AGPAT4: variants seen among roughly 807,000 people sequenced by gnomAD.
The protein encoded by AGPAT4 is 1-acyl-sn-glycerol-3-phosphate acyltransferase delta.
In AGPAT4, 15 loss-of-function variants were observed where a neutral mutation model predicts 48.0. The observed-to-expected ratio is 0.31, with a 90% CI of 0.21 to 0.48. The LOEUF (loss-of-function observed/expected upper bound fraction) is 0.48. Ranked by LOEUF, AGPAT4 falls within the 20% of genes least tolerant of loss-of-function variation. The pLI is 0.99. For synonymous variants in AGPAT4, 178 were observed against 198.7 expected, an observed-to-expected ratio of 0.90 and a Z score of 0.88; for missense variants, 314 against 482.5, an observed-to-expected ratio of 0.65 and a Z score of 3.27.
At chr6:161,207,637 C>T (rs1288020834) in intron 2 of AGPAT4, among the ~76,000 whole-genome samples, 1 of 152,060 alleles carries the variant, frequency 6.6e-6, no homozygotes, top group East Asian at 1.9e-4. Flanking sequence ...AGAGAGATGA[C>T]AGTAAACCAC....
At chr6:161,172,640 TTTTA>T (rs966836296) in intron 2 of AGPAT4, among the ~76,000 whole-genome samples, 5 of 152,190 alleles carry the variant, frequency 3.3e-5, no homozygotes, top group African/African-American at 7.2e-5. Flanking sequence ...TATTTTTATT[TTTTA>T]TTTATTATTA....
At position 161,215,097 on chromosome 6, in the gene AGPAT4, A is replaced by G. The variant is rs995948985; in HGVS notation, c.178+16939T>C. On this transcript the variant is annotated intron_variant, in intron 2 of 8. Coordinates refer to ENST00000320285, the MANE Select transcript of AGPAT4 (RefSeq NM_020133.3). This position sits in a 1 kb window ranked among gnomAD's most constrained non-coding sequence, Gnocchi z 4.5. ...TTTTAAATACTTATTTAAATACCCC[A>G]TAGAGACTGTCTAGATGCTTCACAT... Among the ~76,000 whole-genome samples the G allele has an allele frequency of 6.6e-5, 10 of 152,186 alleles. No homozygotes were observed. Among genetic ancestry groups the G allele is most frequent in the Admixed American group, 6.5e-4 (10 of 15,276 alleles).
intron 2 of AGPAT4, among the ~76,000 whole-genome samples, chr6:161,194,171 T>C (rs932372309): frequency 1.7e-4 from 26 of 152,224 alleles, no homozygotes; most frequent in African/African-American, 6.0e-4. Context: ...AAATATCTCA[T>C]TAATTTTTAC....
rs923353029 is a variant in AGPAT4 at position 161,164,161 on chromosome 6, C to G, written c.348+2087G>C. On this transcript the variant is annotated intron_variant, in intron 3 of 8. Transcript: ENST00000320285. The surrounding 1 kb of genome is among the most constrained non-coding windows in gnomAD (Gnocchi z 7.4). ...ATTCGGAAGCCTTTGGGAGCAAAAC[C>G]CTAAACGGTGCTGAGATTAAATTCC... Among the ~76,000 whole-genome samples, 16 of 152,320 alleles carry G rather than the reference C, an allele frequency of 1.1e-4. No homozygotes were observed. Among genetic ancestry groups the G allele is most frequent in the African/African-American group, 3.8e-4 (16 of 41,560 alleles).
Position 161,229,744 on chromosome 6 carries a change from A to T in AGPAT4, c.178+2292T>A, listed in dbSNP as rs370952577. Among the ~76,000 whole-genome samples, 1 of 152,024 alleles carries T rather than the reference A, an allele frequency of 6.6e-6. No individual in the cohort carries two copies. Among genetic ancestry groups the T allele is most frequent in the East Asian group, 1.9e-4 (1 of 5,172 alleles). On this transcript the variant is annotated intron_variant, in intron 2 of 8. Coordinates refer to ENST00000320285, the MANE Select transcript of AGPAT4 (RefSeq NM_020133.3). This position sits in a 1 kb window ranked among gnomAD's most constrained non-coding sequence, Gnocchi z 6.0. ...CCAGTAGCCAGGACTCCTCCTCTAG[A>T]GGGAGGAATCTTCCCTTCCCGCTTC...
rs1273629125 is a variant in AGPAT4 at position 161,130,500 on chromosome 6, C to T, written c.*6040G>A. 5 of 166,430 alleles carry T rather than the reference C, an allele frequency of 3.0e-5. No homozygotes were observed. In the East Asian group the frequency reaches 6.2e-4, roughly 21 times the overall value. The allele number at this position is 166,430 out of a possible 1,614,324, so 10.3% of individuals were successfully genotyped here. ...TCAAAGATCATCCCTTAGTGGGTCA[C>T]AGTAATCATGAACCCTGGGTACAAT... On this transcript the variant is annotated 3_prime_UTR_variant, in exon 9 of 9. Transcript: ENST00000320285.
In AGPAT4 at chr6:161,142,168, G is replaced by A. The variant is rs561142533; in HGVS notation, c.844-2548C>T. ...TGCGCCCAGCCCCATTCACTTTAAA[G>A]TTTTCTTTGTCTGTGGTTTAAAACA... On this transcript the variant is annotated intron_variant, in intron 7 of 8. Transcript: ENST00000320285. This position sits in a 1 kb window ranked among gnomAD's most constrained non-coding sequence, Gnocchi z 6.4. Among the ~76,000 whole-genome samples, 1 of 152,294 alleles carries A rather than the reference G, an allele frequency of 6.6e-6. No individual in the cohort carries two copies. Among genetic ancestry groups the A allele is most frequent in the Non-Finnish European group, 1.5e-5 (1 of 68,026 alleles).
At position 161,242,499 on chromosome 6, in the gene AGPAT4, C is replaced by T. The variant is rs1225233248; in HGVS notation, c.-89-10197G>A. On this transcript the variant is annotated intron_variant, in intron 1 of 8. Transcript: ENST00000320285. This position sits in a 1 kb window ranked among gnomAD's most constrained non-coding sequence, Gnocchi z 5.0. ...CACATCCTCCAAACCCCATCCAGCT[C>T]GCCCGCAGCCTCATGGGGCTGGAGG... Among the ~76,000 whole-genome samples the T allele has an allele frequency of 6.6e-6, 1 of 152,136 alleles. No individual in the cohort carries two copies. The highest frequency in any genetic ancestry group is 2.4e-5 in the African/African-American group (1 of 41,428).
At chr6:161,160,608 T>A (rs552741093) in intron 3 of AGPAT4, 118 of 201,472 alleles carry the variant, frequency 5.9e-4, no homozygotes, top group African/African-American at 2.6e-3. Flanking sequence ...GGCATGCAGA[T>A]GTGCGGAGAG....
chr6:161,213,893 G>C (rs946448477), intron 2 of AGPAT4, among the ~76,000 whole-genome samples: 3 of 152,012 alleles, frequency 2.0e-5, no homozygotes, highest in Non-Finnish European at 4.4e-5. Flanking sequence ...CTTCTAAAAT[G>C]CTTTCTCCAA....
rs1487638715 is a variant in AGPAT4, at chr6:161,136,653, CAG to C, written c.1043-21_1043-20del. On this transcript the variant is annotated intron_variant, in intron 8 of 8. Coordinates refer to ENST00000320285, the MANE Select transcript of AGPAT4 (RefSeq NM_020133.3). Reference sequence around the variant, plus strand: ...ACGGAGGCTGCAGAGACAAGGAGAGCAGAGTTAGGAGTAGCCCAAACAGACTA... The same window carrying C: ...ACGGAGGCTGCAGAGACAAGGAGAGCAGTTAGGAGTAGCCCAAACAGACTA... The C allele has an allele frequency of 6.2e-7, 1 of 1,610,902 alleles. No individual in the cohort carries two copies. Among genetic ancestry groups the C allele is most frequent in the Non-Finnish European group, 8.5e-7 (1 of 1,177,128 alleles).
rs1400579245 is a variant in AGPAT4 at position 161,177,717 on chromosome 6, G to T, written c.179-11300C>A. ...CGAGGAGCTGCATTCCTTTGGAGTA[G>T]AAGAGGCACTCTGATTTTTAGAATT... On this transcript the variant is annotated intron_variant, in intron 2 of 8. Transcript: ENST00000320285. The surrounding 1 kb of genome is among the most constrained non-coding windows in gnomAD (Gnocchi z 5.0). Among the ~76,000 whole-genome samples, 1 of 152,214 alleles carries T rather than the reference G, an allele frequency of 6.6e-6. No homozygotes were observed. The highest frequency in any genetic ancestry group is 1.9e-4 in the East Asian group (1 of 5,194).
In AGPAT4 at chr6:161,129,999, T is replaced by C. The variant is rs1232255129; in HGVS notation, c.*6541A>G. The C allele has an allele frequency of 1.3e-5, 2 of 152,374 alleles. No homozygotes were observed. The highest frequency in any genetic ancestry group is 2.9e-5 in the Non-Finnish European group (2 of 68,056). 9.4% of individuals were successfully genotyped at this position (152,374 alleles called of 1,614,324 possible). On this transcript the variant is annotated 3_prime_UTR_variant, in exon 9 of 9. Transcript: ENST00000320285. The surrounding 1 kb of genome is among the most constrained non-coding windows in gnomAD (Gnocchi z 4.4). ...AAGTTAAAGTTTCAGTCAGTTTTAT[T>C]ACATCCAGTCCAGTAAGCTGTGCTG...
In AGPAT4 at chr6:161,154,793, A is replaced by G. The variant is rs569298170; in HGVS notation, c.349-483T>C. ...GAAAATGTCAAACGCTAGAAAATGT[A>G]GCATTCCTAGGTGTGAGGTTAACAT... On this transcript the variant is annotated intron_variant, in intron 3 of 8. Coordinates refer to ENST00000320285, the MANE Select transcript of AGPAT4 (RefSeq NM_020133.3). This position sits in a 1 kb window ranked among gnomAD's most constrained non-coding sequence, Gnocchi z 7.8. 2.0e-5 allele frequency among the ~76,000 whole-genome samples: 3 copies of G among 152,260 alleles called. No individual in the cohort carries two copies. The highest frequency in any genetic ancestry group is 4.4e-5 in the Non-Finnish European group (3 of 68,040).
rs575419323 is a variant in AGPAT4, at chr6:161,200,103, T to C, written c.178+31933A>G. On this transcript the variant is annotated intron_variant, in intron 2 of 8. Coordinates refer to ENST00000320285, the MANE Select transcript of AGPAT4 (RefSeq NM_020133.3). This position sits in a 1 kb window ranked among gnomAD's most constrained non-coding sequence, Gnocchi z 5.5. ...GGGCCTAACTCTGCATTGCGACGAA[T>C]GTGCACAGAAAGAGGAAGGAAGAAA... 7.2e-5 allele frequency among the ~76,000 whole-genome samples: 11 copies of C among 152,170 alleles called. No individual in the cohort carries two copies. The South Asian group carries it at 2.3e-3, about 32-fold the overall frequency.
rs536679563 is a variant in AGPAT4, at chr6:161,215,232, C to T, written c.178+16804G>A. Among the ~76,000 whole-genome samples the T allele has an allele frequency of 3.3e-5, 5 of 152,322 alleles. No homozygotes were observed. The South Asian group carries it at 8.3e-4, about 25-fold the overall frequency. ...TGATCCTACTCTTCCATAACTCATACACTGCATGTGTTGTAATCTGTTGCC... is the reference window on the plus strand; with the variant it reads ...TGATCCTACTCTTCCATAACTCATATACTGCATGTGTTGTAATCTGTTGCC... On this transcript the variant is annotated intron_variant, in intron 2 of 8. Transcript: ENST00000320285. This position sits in a 1 kb window ranked among gnomAD's most constrained non-coding sequence, Gnocchi z 4.5.
intron 2 of AGPAT4, among the ~76,000 whole-genome samples, chr6:161,194,713 ATGTG>A (rs1418952924): frequency 3.9e-5 from 6 of 152,046 alleles, no homozygotes; most frequent in Admixed American, 2.0e-4. Context: ...GTGCGTATGT[ATGTG>A]TATGTGCATA....
At chr6:161,168,802 T>C (rs1780184776) in intron 2 of AGPAT4, among the ~76,000 whole-genome samples, 1 of 152,170 alleles carries the variant, frequency 6.6e-6, no homozygotes, top group Non-Finnish European at 1.5e-5. Flanking sequence ...TGCTGAATAT[T>C]GTCTTCATGG....
rs1421487683 is a variant in AGPAT4 at position 161,154,981 on chromosome 6, G to C, written c.349-671C>G. On this transcript the variant is annotated intron_variant, in intron 3 of 8. Coordinates refer to ENST00000320285, the MANE Select transcript of AGPAT4 (RefSeq NM_020133.3). The surrounding 1 kb of genome is among the most constrained non-coding windows in gnomAD (Gnocchi z 7.8). ...CTCCGGGTACAGCTGGTCCAAGCTG[G>C]GAGTAAAACCCAGACCAGGAGATGT... is the stretch of plus-strand genomic sequence containing the variant. Among the ~76,000 whole-genome samples, 1 of 152,218 alleles carries C rather than the reference G, an allele frequency of 6.6e-6. No homozygotes were observed. Among genetic ancestry groups the C allele is most frequent in the East Asian group, 1.9e-4 (1 of 5,186 alleles).
Sources: allele counts gnomAD v4.1 joint callset (sites outside exome capture counted in the v4.1 genomes callset), GRCh38; gene constraint gnomAD v4.1.1; non-coding constraint Gnocchi (gnomAD v3.1); transcripts MANE v1.5; gene names NCBI Gene and HGNC (gene_info 2026-07-23, HGNC 2026-07-21).